The following EFCAB7 variants were observed in gnomAD, a reference collection of about 807,000 sequenced individuals.
The protein encoded by EFCAB7 is EF-hand calcium-binding domain-containing protein 7.
EFCAB7 carries 66 observed loss-of-function variants against 77.1 expected under a neutral mutation model. That is an observed-to-expected ratio of 0.86 (90% CI 0.70 to 1.05). EFCAB7 has a LOEUF of 1.05. Among genes scored for constraint, EFCAB7 ranks in the 50% least tolerant of loss-of-function variants. EFCAB7 has a pLI of 0.00. For synonymous variants in EFCAB7, 225 were observed against 243.3 expected, an observed-to-expected ratio of 0.92 and a Z score of 0.70; for missense variants, 638 against 730.5, an observed-to-expected ratio of 0.87 and a Z score of 1.46.
chr1:63,585,202 A>G, the EFCAB7 span, among the ~76,000 whole-genome samples: 1 of 151,484 alleles, frequency 6.6e-6, no homozygotes, highest in African/African-American at 2.4e-5. Context: ...CAGGATATTC[A>G]GTTTACCTAT....
At chr1:63,529,493 C>G (rs1236977841) in intron 2 of EFCAB7, 1 of 152,026 alleles carries the variant, frequency 6.6e-6, no homozygotes. Context: ...ACGTGCGGAT[C>G]ACCTGAGGTC....
rs373950786 is a variant in EFCAB7 at position 63,560,101 on chromosome 1, C to T, written c.1349-1608C>T. ...CCGAGTAGCTGGGACTACAGGTACC[C>T]GCCACCACGCCCGGCTAATTTTTTG... is the stretch of plus-strand genomic sequence containing the variant. On this transcript the variant is annotated intron_variant, in intron 10 of 13. Coordinates refer to ENST00000371088, the MANE Select transcript of EFCAB7 (RefSeq NM_032437.4). Among the ~76,000 whole-genome samples the T allele has an allele frequency of 7.2e-5, 11 of 151,768 alleles. No individual in the cohort carries two copies. In the East Asian group the frequency reaches 9.8e-4, roughly 13 times the overall value.
At chr1:63,552,050 T>G (rs1033425307) in intron 8 of EFCAB7, among the ~76,000 whole-genome samples, 2 of 152,032 alleles carry the variant, frequency 1.3e-5, no homozygotes, top group Non-Finnish European at 2.9e-5. Flanking sequence ...TGCTGCGATT[T>G]CTTAAGAATT....
intron 6 of EFCAB7, among the ~76,000 whole-genome samples, chr1:63,541,040 T>C (rs1646823092): frequency 6.6e-6 from 1 of 152,134 alleles, no homozygotes; most frequent in East Asian, 1.9e-4. Flanking sequence ...ATGCTAAGTC[T>C]GCAACAGAGT....
At chr1:63,570,917 A>G in intron 12 of EFCAB7, 104 bp from the exon 13 acceptor site, 2 of 654,696 alleles carry the variant, frequency 3.1e-6, no homozygotes, top group Non-Finnish European at 2.4e-6. Context: ...TTTGTAGTGC[A>G]CTATATGATG....
intron 12 of EFCAB7, chr1:63,569,454 T>A (rs6659079): frequency 7.2e-4 from 109 of 152,280 alleles, no homozygotes; most frequent in African/African-American, 2.6e-3. Context: ...CTCTTGTAGT[T>A]GTTGTTAATT....
chr1:63,534,385 G>T, intron 6 of EFCAB7, 169 bp downstream of exon 6: 1 of 514,474 alleles, frequency 1.9e-6, no homozygotes, highest in Non-Finnish European at 3.3e-6. Context: ...AATTAAAAAT[G>T]ATGAATATTA....
At position 63,532,749 on chromosome 1, in the gene EFCAB7, A is replaced by G. The variant is rs2100873503; in HGVS notation, c.479A>G (p.Tyr160Cys). 3 of 1,600,328 alleles carry G rather than the reference A, an allele frequency of 1.9e-6. No individual in the cohort carries two copies. Among genetic ancestry groups the G allele is most frequent in the Non-Finnish European group, 2.6e-6 (3 of 1,174,994 alleles). ...GTAAATGCTGATGGCAAATTTGACT[A>G]CATCAAGGTACATAAGCTCACATTG... ...ADVNADGKFDYIKFCKLYMTT... is the reference protein window; with the variant it reads ...ADVNADGKFDCIKFCKLYMTT... The change falls in exon 4 of 14, where the codon TAC becomes TGC. Residue 160 changes from tyrosine (Y) to cysteine (C), a missense_variant. Tyr to Cys is a radical substitution (Grantham distance 194). Transcript: ENST00000371088.
intron 11 of EFCAB7, among the ~76,000 whole-genome samples, chr1:63,563,567 T>C (rs1647135558): frequency 6.6e-6 from 1 of 152,200 alleles, no homozygotes; most frequent in African/African-American, 2.4e-5. Context: ...TGTTGATTGG[T>C]TGGCACTAAG....
intron 10 of EFCAB7, among the ~76,000 whole-genome samples, chr1:63,557,479 TA>T (rs2100913321): frequency 6.6e-6 from 1 of 152,328 alleles, no homozygotes; most frequent in Non-Finnish European, 1.5e-5. Context: ...ATCATAATTT[TA>T]GTTTTGATTC....
chr1:63,549,603 T>C (rs1389579203), intron 7 of EFCAB7: 1 of 434,376 alleles, frequency 2.3e-6, no homozygotes, highest in Non-Finnish European at 4.6e-6. Context: ...CAGATTTGGC[T>C]CTAGTAAGTA....
At chr1:63,524,604 A>G (rs1168624186) in intron 1 of EFCAB7, among the ~76,000 whole-genome samples, 1 of 152,124 alleles carries the variant, frequency 6.6e-6, no homozygotes, top group Non-Finnish European at 1.5e-5. Flanking sequence ...TAGGTTGGAG[A>G]TCTATTTTTA....
chr1:63,532,602 C>A, intron 3 of EFCAB7, 68 bp from the exon 4 acceptor site: 1 of 1,206,984 alleles, frequency 8.3e-7, no homozygotes, highest in Non-Finnish European at 1.2e-6. Context: ...AATGTGCTTC[C>A]ACTGTCCCCA....
At chr1:63,544,563 C>G (rs1391275369) in intron 6 of EFCAB7, among the ~76,000 whole-genome samples, 2 of 151,940 alleles carry the variant, frequency 1.3e-5, no homozygotes, top group African/African-American at 4.8e-5. Context: ...CAGGCGCACG[C>G]CACCGTGCCC....
intron 7 of EFCAB7, chr1:63,549,332 A>G (rs779113965): frequency 3.4e-5 from 16 of 470,822 alleles, no homozygotes; most frequent in African/African-American, 3.2e-4. Flanking sequence ...TGAAAGGTGT[A>G]CTGCAAGGAA....
Position 63,545,918 on chromosome 1 carries a change from CT to C in EFCAB7, c.808del (p.Trp270GlyfsTer12), listed in dbSNP as rs764964162. On this transcript the variant is annotated frameshift_variant, in exon 7 of 14. Transcript: ENST00000371088. LOFTEE classifies it high-confidence loss of function. ...KLMEPNLIKD[W>X]QHMQSKGCFF... ...AATAATTTTTTCCTTCATTTCAGGA[CT>C]GGCAACACATGCAATCAAAAGGTTG... 1.9e-6 allele frequency: 3 copies of C among 1,612,988 alleles called. No individual in the cohort carries two copies. Among genetic ancestry groups the C allele is most frequent in the Middle Eastern group, 3.3e-4 (2 of 6,052 alleles).
Position 63,568,492 on chromosome 1 carries a change from C to G in EFCAB7, c.1680C>G (p.Thr560=). ...TCGTGCATACTTACAGTTGTGACAC[C>G]TGGATAACGTCAGTTATTGAAAACA... ...NIIVHTYSCD[T]WITSVIENKS... is the part of the protein sequence containing the mutation. Residue 560 remains threonine, a synonymous_variant, in exon 12 of 14, where the codon ACC becomes ACG. Coordinates refer to ENST00000371088, the MANE Select transcript of EFCAB7 (RefSeq NM_032437.4). The G allele has an allele frequency of 6.3e-7, 1 of 1,599,518 alleles. No individual in the cohort carries two copies. The highest frequency in any genetic ancestry group is 1.1e-5 in the South Asian group (1 of 87,750).
At chr1:63,583,580 G>A in the EFCAB7 span, among the ~76,000 whole-genome samples, 1 of 152,090 alleles carries the variant, frequency 6.6e-6, no homozygotes, top group East Asian at 1.9e-4. Context: ...CCTATAGATT[G>A]GAGGTCATGA....
intron 6 of EFCAB7, among the ~76,000 whole-genome samples, chr1:63,543,527 G>A (rs1043748783): frequency 1.3e-5 from 2 of 151,990 alleles, no homozygotes; most frequent in East Asian, 1.9e-4. Context: ...ATCTAAGTAG[G>A]GCATTAGAAT....
Sources: allele counts gnomAD v4.1 joint callset (sites outside exome capture counted in the v4.1 genomes callset), GRCh38; gene constraint gnomAD v4.1.1; transcripts MANE v1.5; gene names NCBI Gene and HGNC (gene_info 2026-07-23, HGNC 2026-07-21).